BLTP3B: variants seen among roughly 807,000 people sequenced by gnomAD.
The protein encoded by BLTP3B is UHRF1 (ICBP90) binding protein 1-like.
At chr12:100,096,651 T>A in the BLTP3B span, among the ~76,000 whole-genome samples, 1 of 151,402 alleles carries the variant, frequency 6.6e-6, no homozygotes, top group Non-Finnish European at 1.5e-5. Flanking sequence ...AGACCCTGTC[T>A]CTACAAAAAA....
chr12:100,142,835 C>A, the BLTP3B span: 1 of 679,824 alleles, frequency 1.5e-6, no homozygotes, highest in Non-Finnish European at 2.3e-6. Flanking sequence ...CCACGGCCGC[C>A]GCGGGCGCCA....
the BLTP3B span, among the ~76,000 whole-genome samples, chr12:100,110,699 T>G: frequency 6.6e-6 from 1 of 151,962 alleles, no homozygotes; most frequent in Admixed American, 6.6e-5. Context: ...GAAGAGAAGT[T>G]AACTAGGCAA....
the BLTP3B span, among the ~76,000 whole-genome samples, chr12:100,121,209 G>T: frequency 6.6e-6 from 1 of 151,904 alleles, no homozygotes; most frequent in African/African-American, 2.4e-5. Context: ...TTTTAGTGGG[G>T]TGTGGTAGCA....
chr12:100,058,804 G>C, the BLTP3B span: 3 of 1,613,990 alleles, frequency 1.9e-6, no homozygotes, highest in Non-Finnish European at 1.7e-6. Flanking sequence ...AGTAGAAGCA[G>C]ATACTGGTAG....
the BLTP3B span, among the ~76,000 whole-genome samples, chr12:100,057,098 GT>G: frequency 1.3e-5 from 2 of 152,176 alleles, no homozygotes; most frequent in Non-Finnish European, 2.9e-5. Flanking sequence ...TCCTAATTTT[GT>G]AAATCAGTAG....
chr12:100,112,284 G>C, the BLTP3B span, among the ~76,000 whole-genome samples: 12 of 152,142 alleles, frequency 7.9e-5, no homozygotes, highest in African/African-American at 2.7e-4. Context: ...TTTGAGACCA[G>C]CCTGGGCTGG....
chr12:100,054,711 C>G, the BLTP3B span, among the ~76,000 whole-genome samples: 2 of 152,174 alleles, frequency 1.3e-5, no homozygotes, highest in African/African-American at 4.8e-5. Context: ...TGAATTATAA[C>G]AGAGTTAGAC....
the BLTP3B span, among the ~76,000 whole-genome samples, chr12:100,115,860 A>G: frequency 6.6e-6 from 1 of 152,296 alleles, no homozygotes; most frequent in Non-Finnish European, 1.5e-5. Context: ...CCAAAAACCA[A>G]CTAATGCAAT....
chr12:100,121,354 GAAAAA>G, the BLTP3B span, among the ~76,000 whole-genome samples: 4 of 97,134 alleles, frequency 4.1e-5, no homozygotes, highest in Admixed American at 3.4e-4. Flanking sequence ...CCATCTCATG[GAAAAA>G]AAAAAAAAAA....
At chr12:100,048,035 G>A in the BLTP3B span, 2 of 1,611,380 alleles carry the variant, frequency 1.2e-6, no homozygotes, top group African/African-American at 1.3e-5. Flanking sequence ...ATATTCATAA[G>A]AGAAGATGTA....
chr12:100,039,768 C>T, the BLTP3B span: 1 of 1,612,926 alleles, frequency 6.2e-7, no homozygotes, highest in South Asian at 1.1e-5. Context: ...CAAATCATTT[C>T]CAGTGTTAAG....
the BLTP3B span, among the ~76,000 whole-genome samples, chr12:100,113,427 C>T: frequency 6.6e-6 from 1 of 152,070 alleles, no homozygotes; most frequent in Non-Finnish European, 1.5e-5. Context: ...TGCCCCACTG[C>T]ACTCCAGCCT....
At chr12:100,084,413 CACACACACACACAG>C in the BLTP3B span, 1 of 1,209,964 alleles carries the variant, frequency 8.3e-7, no homozygotes, top group Admixed American at 2.0e-5. Context: ...CACACACACA[CACACACACACACAG>C]AGTGCAAACA....
chr12:100,037,863 T>C, the BLTP3B span: 32 of 999,984 alleles, frequency 3.2e-5, no homozygotes, highest in Admixed American at 5.8e-5. Context: ...AAAATGCCCA[T>C]TGCTGGTGAG....
the BLTP3B span, chr12:100,051,410 T>C: frequency 1.7e-5 from 8 of 467,110 alleles, no homozygotes; most frequent in East Asian, 7.0e-5. Context: ...TAATTCAATA[T>C]TTCTCAAACT....
chr12:100,111,834 G>A, the BLTP3B span, among the ~76,000 whole-genome samples: 1 of 151,988 alleles, frequency 6.6e-6, no homozygotes, highest in Non-Finnish European at 1.5e-5. Context: ...TCTAACTCCC[G>A]ACCTTGTGAT....
At chr12:100,055,339 A>G in the BLTP3B span, among the ~76,000 whole-genome samples, 2 of 152,194 alleles carry the variant, frequency 1.3e-5, no homozygotes, top group African/African-American at 2.4e-5. Flanking sequence ...AATACATGTA[A>G]GACGCTTAAA....
the BLTP3B span, chr12:100,072,782 G>A: frequency 2.5e-6 from 4 of 1,601,890 alleles, no homozygotes; most frequent in Middle Eastern, 3.3e-4. Context: ...CATGCTTTTG[G>A]GGGAAGAACG....
the BLTP3B span, chr12:100,104,048 C>T: frequency 3.9e-6 from 3 of 774,028 alleles, no homozygotes; most frequent in Non-Finnish European, 5.9e-6. Flanking sequence ...AGGACAGACA[C>T]ACCAAATTAT....
Sources: allele counts gnomAD v4.1 joint callset (sites outside exome capture counted in the v4.1 genomes callset), GRCh38; gene constraint gnomAD v4.1.1; transcripts MANE v1.5; gene names NCBI Gene and HGNC (gene_info 2026-07-23, HGNC 2026-07-21).